The following PRKAG2 variants were observed in gnomAD, a reference collection of about 807,000 sequenced individuals.
PRKAG2 encodes the protein 5'-AMP-activated protein kinase subunit gamma-2.
PRKAG2 carries 26 observed loss-of-function variants against 69.6 expected under a neutral mutation model. That is an observed-to-expected ratio of 0.37 (90% CI 0.27 to 0.52). The LOEUF (loss-of-function observed/expected upper bound fraction) is 0.52. Among genes scored for constraint, PRKAG2 ranks in the 20% least tolerant of loss-of-function variants. The pLI, the probability that PRKAG2 is intolerant of heterozygous loss-of-function variation, is 0.90. For synonymous variants in PRKAG2, 293 were observed against 285.0 expected, an observed-to-expected ratio of 1.03 and a Z score of -0.28; for missense variants, 557 against 740.0, an observed-to-expected ratio of 0.75 and a Z score of 2.87.
chr7:151,798,298 G>A (rs549966954), intron 1 of PRKAG2, among the ~76,000 whole-genome samples: 107 of 152,004 alleles, frequency 7.0e-4, no homozygotes, highest in African/African-American at 2.1e-3. Context: ...TACCGTGTCC[G>A]GCCTGTTTTT....
intron 3 of PRKAG2, among the ~76,000 whole-genome samples, chr7:151,703,907 C>CACACACACACAA (rs1838169920): frequency 1.5e-5 from 2 of 130,496 alleles, no homozygotes; most frequent in African/African-American, 6.3e-5. Flanking sequence ...CACACACACA[C>CACACACACACAA]ACAAATTAGC....
intron 5 of PRKAG2, among the ~76,000 whole-genome samples, chr7:151,604,934 G>A (rs73730214): frequency 0.045 from 6,834 of 152,190 alleles, 501 homozygotes; most frequent in African/African-American, 0.16. Flanking sequence ...CTCTGTAACT[G>A]GGTTCCAGGT....
intron 3 of PRKAG2, among the ~76,000 whole-genome samples, chr7:151,724,202 T>G (rs1163855193): frequency 1.3e-5 from 2 of 152,162 alleles, no homozygotes; most frequent in African/African-American, 4.8e-5. Flanking sequence ...GTTCCCCCAA[T>G]AAAATCACCC....
intron 3 of PRKAG2, among the ~76,000 whole-genome samples, chr7:151,710,354 A>G (rs1795087876): frequency 6.6e-6 from 1 of 152,124 alleles, no homozygotes; most frequent in South Asian, 2.1e-4. Flanking sequence ...GCCCTGAGGC[A>G]GCACACCAAG....
intron 14 of PRKAG2, 139 bp downstream of exon 14, chr7:151,563,939 A>T (rs1190991537): frequency 1.8e-6 from 2 of 1,123,952 alleles, no homozygotes; most frequent in African/African-American, 1.5e-5. Flanking sequence ...GTTCTGGGAC[A>T]GGAGGGAATC....
At chr7:151,871,938 C>T (rs1020630401) in intron 1 of PRKAG2, among the ~76,000 whole-genome samples, 1 of 152,176 alleles carries the variant, frequency 6.6e-6, no homozygotes, top group Non-Finnish European at 1.5e-5. Context: ...ACCAAATGAC[C>T]CCAGTCACAG....
chr7:151,730,745 A>T (rs1427249293), intron 3 of PRKAG2, among the ~76,000 whole-genome samples: 3 of 152,150 alleles, frequency 2.0e-5, no homozygotes, highest in African/African-American at 7.2e-5. Flanking sequence ...AGAGCACAAG[A>T]TGGTCCCCAC....
intron 1 of PRKAG2, chr7:151,790,571 C>A (rs2077227286): frequency 6.6e-6 from 1 of 152,264 alleles, no homozygotes; most frequent in African/African-American, 2.4e-5. Context: ...AACTCCCCGA[C>A]CAAGCACCCT....
Position 151,632,670 on chromosome 7 carries a change from C to T in PRKAG2, c.685-532G>A. 1.1e-6 allele frequency: 1 copy of T among 921,438 alleles called. No individual in the cohort carries two copies. The highest frequency in any genetic ancestry group is 1.3e-6 in the Non-Finnish European group (1 of 771,578). 57.1% of individuals were successfully genotyped at this position (921,438 alleles called of 1,614,324 possible). On this transcript the variant is annotated intron_variant, in intron 4 of 15. Coordinates refer to ENST00000287878, the MANE Select transcript of PRKAG2 (RefSeq NM_016203.4). The surrounding 1 kb of genome is among the most constrained non-coding windows in gnomAD (Gnocchi z 4.2). ...GAGGGGCTGGAGGCTGCAGAACGCC[C>T]CGGGGCGCCAGCTAGGGGATCCTTT...
intron 3 of PRKAG2, among the ~76,000 whole-genome samples, chr7:151,713,552 A>G (rs1313532260): frequency 6.6e-6 from 1 of 151,746 alleles, no homozygotes; most frequent in Admixed American, 6.6e-5. Flanking sequence ...TTCAACAACT[A>G]TTAACTCATG....
intron 14 of PRKAG2, among the ~76,000 whole-genome samples, chr7:151,561,539 C>T (rs1025768275): frequency 3.3e-5 from 5 of 152,238 alleles, no homozygotes; most frequent in Non-Finnish European, 7.3e-5. Context: ...CTCTAGTTTT[C>T]TACTCTGAAA....
intron 1 of PRKAG2, among the ~76,000 whole-genome samples, chr7:151,865,240 G>A (rs1345877491): frequency 2.6e-5 from 4 of 152,180 alleles, no homozygotes; most frequent in Admixed American, 6.5e-5. Context: ...CTGGACACAC[G>A]GCCCAGTTGT....
intron 1 of PRKAG2, among the ~76,000 whole-genome samples, chr7:151,794,033 A>G (rs2077377792): frequency 6.6e-6 from 1 of 152,084 alleles, no homozygotes; most frequent in Non-Finnish European, 1.5e-5. Flanking sequence ...GAAACATCCA[A>G]CTGTTTTTCA....
chr7:151,693,311 C>T (rs1185795552), intron 3 of PRKAG2, among the ~76,000 whole-genome samples: 6 of 152,234 alleles, frequency 3.9e-5, no homozygotes, highest in East Asian at 1.9e-4. Context: ...CAAGGCCCTC[C>T]GAGGGGCGCA....
intron 3 of PRKAG2, among the ~76,000 whole-genome samples, chr7:151,727,383 G>T (rs924567247): frequency 1.3e-5 from 2 of 152,140 alleles, no homozygotes; most frequent in Non-Finnish European, 2.9e-5. Context: ...AGCCATCGAG[G>T]TGGGGAGGAC....
chr7:151,581,673 A>C (rs1205620089), intron 6 of PRKAG2, among the ~76,000 whole-genome samples: 4 of 152,210 alleles, frequency 2.6e-5, no homozygotes, highest in Non-Finnish European at 5.9e-5. Context: ...ACCTTGTACA[A>C]ATGATCACAT....
chr7:151,718,279 G>T (rs1289953624), intron 3 of PRKAG2, among the ~76,000 whole-genome samples: 1 of 70,950 alleles, frequency 1.4e-5, no homozygotes, highest in African/African-American at 6.6e-5. Context: ...GGTGGGTGGA[G>T]GGGGGGGTAG....
intron 5 of PRKAG2, among the ~76,000 whole-genome samples, chr7:151,605,014 T>G (rs1473284294): frequency 6.6e-6 from 1 of 152,160 alleles, no homozygotes; most frequent in Non-Finnish European, 1.5e-5. Context: ...ATGTTAAATA[T>G]TTACTTATTT....
rs150797521 is a variant in PRKAG2 at position 151,829,483 on chromosome 7, T to C, written c.115-42942A>G. On this transcript the variant is annotated intron_variant, in intron 1 of 15. Transcript: ENST00000287878. ...GCCTGGCAGTGCCTCAAAAGTTAAA[T>C]GTAAAGTCACAATATGACCCAGCAA... Among the ~76,000 whole-genome samples the C allele has an allele frequency of 1.1e-3, 172 of 152,096 alleles. 1 individual carries two copies. Among genetic ancestry groups the C allele is most frequent in the Non-Finnish European group, 2.0e-3 (134 of 67,934 alleles).
Sources: gnomAD v4.1 joint callset for allele counts (sites outside exome capture counted in the v4.1 genomes callset) on GRCh38, gnomAD v4.1.1 for gene constraint, Gnocchi (gnomAD v3.1) non-coding constraint, MANE v1.5 for transcripts, NCBI Gene and HGNC (gene_info 2026-07-23, HGNC 2026-07-21) for gene names.